LARP1: variants seen among roughly 807,000 people sequenced by gnomAD.
The protein encoded by LARP1 is La ribonucleoprotein 1, translational regulator, also known as la-related protein 1.
LARP1 carries 36 observed loss-of-function variants against 122.7 expected under a neutral mutation model. The observed-to-expected ratio is 0.29, with a 90% CI of 0.22 to 0.39. LARP1 has a LOEUF of 0.39. Among genes scored for constraint, LARP1 ranks in the 10% least tolerant of loss-of-function variants. The pLI, the probability that LARP1 is intolerant of heterozygous loss-of-function variation, is 1.00. For synonymous variants in LARP1, 539 were observed against 528.7 expected (o/e 1.02, Z -0.27); for missense variants, 1,040 against 1,403.6 (o/e 0.74, Z 4.14).
intron 1 of LARP1, among the ~76,000 whole-genome samples, chr5:154,776,066 T>A (rs1001650523): frequency 4.6e-5 from 7 of 152,160 alleles, no homozygotes; most frequent in African/African-American, 1.7e-4. Flanking sequence ...CCCCAGCACT[T>A]TGGGAGGTTA....
intron 1 of LARP1, among the ~76,000 whole-genome samples, chr5:154,715,422 G>C (rs1006142824): frequency 6.6e-6 from 1 of 151,646 alleles, no homozygotes; most frequent in Non-Finnish European, 1.5e-5. Context: ...GTGCCACCAC[G>C]CTCAGCTCAT....
At chr5:154,787,812 G>T (rs1025103965) in intron 1 of LARP1, among the ~76,000 whole-genome samples, 1 of 152,184 alleles carries the variant, frequency 6.6e-6, no homozygotes, top group Admixed American at 6.5e-5. Context: ...TGTATGCTCA[G>T]ACTGTTTGTA....
chr5:154,774,604 C>T lies in LARP1; in HGVS notation c.437-15721C>T, dbSNP rs557440079. On this transcript the variant is annotated intron_variant, in intron 1 of 18. Coordinates refer to ENST00000518297, the MANE Select transcript of LARP1 (RefSeq NM_033551.3). Reference sequence around the variant, plus strand: ...GGGAAGACTTAATCTCTTGCATTTCCTCTGAGGTGGGATTGGAGAGGCAGT... The same window carrying T: ...GGGAAGACTTAATCTCTTGCATTTCTTCTGAGGTGGGATTGGAGAGGCAGT... Among the ~76,000 whole-genome samples, 6 of 152,246 alleles carry T rather than the reference C, an allele frequency of 3.9e-5. No individual in the cohort carries two copies. The East Asian group carries it at 9.7e-4, about 25-fold the overall frequency.
Position 154,802,707 on chromosome 5 carries a change from T to C in LARP1, c.2109+308T>C, listed in dbSNP as rs191032509. On this transcript the variant is annotated intron_variant, in intron 11 of 18. Coordinates refer to ENST00000518297, the MANE Select transcript of LARP1 (RefSeq NM_033551.3). This position sits in a 1 kb window ranked among gnomAD's most constrained non-coding sequence, Gnocchi z 5.1. ...GAACAGAAAAAGGGTTAGATTGTTA[T>C]TTCTAGTCTTAAATATTTAGGCATC... Among the ~76,000 whole-genome samples the C allele has an allele frequency of 5.3e-5, 8 of 152,366 alleles. No individual in the cohort carries two copies. The highest frequency in any genetic ancestry group is 3.9e-4 in the Admixed American group (6 of 15,308).
intron 1 of LARP1, among the ~76,000 whole-genome samples, chr5:154,763,293 C>A (rs569008563): frequency 1.2e-3 from 177 of 152,076 alleles, no homozygotes; most frequent in South Asian, 2.5e-3. Flanking sequence ...AACTCCTGAC[C>A]TCAGGTGATC....
chr5:154,769,606 G>C (rs1162198140), intron 1 of LARP1, among the ~76,000 whole-genome samples: 1 of 152,250 alleles, frequency 6.6e-6, no homozygotes, highest in Non-Finnish European at 1.5e-5. Flanking sequence ...AAAGCTCTCT[G>C]AGAGTTAAGG....
At chr5:154,736,541 TTTATTTATTTA>T (rs753444364) in intron 1 of LARP1, among the ~76,000 whole-genome samples, 20 of 92,580 alleles carry the variant, frequency 2.2e-4, no homozygotes, top group Non-Finnish European at 3.6e-4. Context: ...CCTATTTTTA[TTTATTTATTTA>T]TTTATTTATT....
At chr5:154,705,679 C>T (rs1264050041) in intron 1 of LARP1, 1 of 151,988 alleles carries the variant, frequency 6.6e-6, no homozygotes, top group Non-Finnish European at 1.5e-5. Flanking sequence ...CGGCCAAACT[C>T]CTTGTTCTAC....
intron 1 of LARP1, among the ~76,000 whole-genome samples, chr5:154,742,069 C>A (rs1311658410): frequency 6.6e-6 from 1 of 152,208 alleles, no homozygotes; most frequent in Non-Finnish European, 1.5e-5. Flanking sequence ...ATTGGCCAAC[C>A]TCTCTGATCC....
At chr5:154,759,390 G>C (rs1195968477) in intron 1 of LARP1, among the ~76,000 whole-genome samples, 1 of 152,090 alleles carries the variant, frequency 6.6e-6, no homozygotes, top group Non-Finnish European at 1.5e-5. Flanking sequence ...TATGGGATCT[G>C]TCTCCTTAAA....
At chr5:154,762,469 A>G (rs879772731) in intron 1 of LARP1, among the ~76,000 whole-genome samples, 5 of 152,214 alleles carry the variant, frequency 3.3e-5, no homozygotes, top group Admixed American at 1.3e-4. Flanking sequence ...TCACATGGCT[A>G]ATAGCCTGGG....
At chr5:154,811,065 A>G (rs553553164) in intron 16 of LARP1, among the ~76,000 whole-genome samples, 182 bp from the exon 17 acceptor site, 1 of 152,352 alleles carries the variant, frequency 6.6e-6, no homozygotes, top group East Asian at 1.9e-4. Context: ...TGACTGCAGG[A>G]AATCTCTGAA....
intron 8 of LARP1, among the ~76,000 whole-genome samples, chr5:154,799,299 A>T (rs1758148395): frequency 6.6e-6 from 1 of 152,168 alleles, no homozygotes; most frequent in South Asian, 2.1e-4. Context: ...TTTTGTCCAG[A>T]TATTATACAT....
In LARP1 at chr5:154,697,202, CTTTTT is replaced by C. The variant is rs11399407; in HGVS notation, c.-180+14176_-180+14180del. 3.7e-3 allele frequency among the ~76,000 whole-genome samples: 517 copies of C among 141,596 alleles called. 2 individuals are homozygous for C. The highest frequency in any genetic ancestry group is 0.012 in the African/African-American group (469 of 38,442). 92.9% of individuals were successfully genotyped at this position (141,596 alleles called of 152,430 possible). ...GTGAGGGAGGTATGTAGCTTTTTAT[CTTTTT>C]TTTTTTTTTTCTTCTCTTTGTAGCC... On this transcript the variant is annotated intron_variant, in intron 1 of 18. Transcript: ENST00000687700.
At chr5:154,730,401 C>T (rs1157939934) in intron 1 of LARP1, among the ~76,000 whole-genome samples, 7 of 151,694 alleles carry the variant, frequency 4.6e-5, no homozygotes, top group African/African-American at 1.7e-4. Context: ...CTTTTTTTGA[C>T]CTATAGCACA....
At chr5:154,810,872 T>C (rs1015608551) in intron 16 of LARP1, among the ~76,000 whole-genome samples, 5 of 152,240 alleles carry the variant, frequency 3.3e-5, no homozygotes, top group Admixed American at 6.5e-5. Flanking sequence ...TGCAGAGTTA[T>C]ACCAGGGATT....
chr5:154,763,605 A>G (rs1252765806), intron 1 of LARP1, among the ~76,000 whole-genome samples: 1 of 151,910 alleles, frequency 6.6e-6, no homozygotes, highest in Non-Finnish European at 1.5e-5. Context: ...TGATTGTGCC[A>G]CAGTACTCCA....
intron 1 of LARP1, among the ~76,000 whole-genome samples, chr5:154,722,347 A>G (rs555274971): frequency 6.6e-6 from 1 of 152,234 alleles, no homozygotes; most frequent in South Asian, 2.1e-4. Context: ...GAGCTATGAG[A>G]AGAGGAGATT....
chr5:154,700,579 A>G (rs896608414), intron 1 of LARP1, among the ~76,000 whole-genome samples: 6 of 151,980 alleles, frequency 3.9e-5, no homozygotes, highest in Non-Finnish European at 8.8e-5. Flanking sequence ...TAGATTACTG[A>G]GATGATGTTG....
Sources: gnomAD v4.1 joint callset for allele counts (sites outside exome capture counted in the v4.1 genomes callset) on GRCh38, gnomAD v4.1.1 for gene constraint, Gnocchi (gnomAD v3.1) non-coding constraint, MANE v1.5 for transcripts, NCBI Gene and HGNC (gene_info 2026-07-23, HGNC 2026-07-21) for gene names.